The following RHPN2 variants were observed in gnomAD, a reference collection of about 807,000 sequenced individuals.
RHPN2 encodes rhophilin Rho GTPase binding protein 2, also known as rhophilin-2.
Under a neutral mutation model 79.0 loss-of-function variants are expected in RHPN2, and 40 were observed. The observed-to-expected ratio is 0.51, with a 90% confidence interval of 0.39 to 0.66. The LOEUF is 0.66. Ranked by LOEUF, RHPN2 falls within the 30% of genes least tolerant of loss-of-function variation. The pLI is 0.00. For synonymous variants in RHPN2, 285 were observed against 363.5 expected (o/e 0.78, Z 2.46); for missense variants, 686 against 883.5 (o/e 0.78, Z 2.83).
At chr19:33,039,549 A>G (rs895657785) in intron 2 of RHPN2, among the ~76,000 whole-genome samples, 3 of 152,130 alleles carry the variant, frequency 2.0e-5, no homozygotes, top group African/African-American at 7.2e-5. Flanking sequence ...TTAAAAATTC[A>G]ACAATCGGCC....
chr19:32,998,850 G>A (rs1276471962), intron 10 of RHPN2, among the ~76,000 whole-genome samples: 2 of 132,034 alleles, frequency 1.5e-5, no homozygotes, highest in African/African-American at 5.8e-5. Flanking sequence ...GGAAGGAGGG[G>A]AGGGAGAGGG....
chr19:33,005,412 CAA>C (rs766044835), intron 7 of RHPN2, among the ~76,000 whole-genome samples: 2,694 of 62,494 alleles, frequency 0.043, 52 homozygotes, highest in African/African-American at 0.15. Flanking sequence ...GATTCTGTCT[CAA>C]AAAAAAAAAA....
intron 14 of RHPN2, among the ~76,000 whole-genome samples, chr19:32,986,560 C>G (rs770760204): frequency 1.8e-4 from 27 of 152,004 alleles, no homozygotes; most frequent in African/African-American, 6.3e-4. Flanking sequence ...CTTTGGGAGG[C>G]TAAGGTAGAT....
intron 4 of RHPN2, 49 bp from the exon 5 acceptor site, chr19:33,012,773 A>G: frequency 9.8e-7 from 1 of 1,024,520 alleles, no homozygotes; most frequent in Non-Finnish European, 1.6e-6. Context: ...TGAAAACCAT[A>G]TGTGTGCATA....
At chr19:33,035,499 G>A (rs1276480079) in intron 2 of RHPN2, among the ~76,000 whole-genome samples, 1 of 152,188 alleles carries the variant, frequency 6.6e-6, no homozygotes, top group African/African-American at 2.4e-5. Flanking sequence ...TGGCAGCCAG[G>A]TGGGGTCTCA....
chr19:33,047,570 T>C (rs984723647), intron 1 of RHPN2, among the ~76,000 whole-genome samples: 2 of 152,138 alleles, frequency 1.3e-5, no homozygotes, highest in African/African-American at 4.8e-5. Context: ...CGGGTAGTAT[T>C]ACGTGGTGAA....
intron 2 of RHPN2, among the ~76,000 whole-genome samples, chr19:33,037,103 TAAGGGATTGTAAATACACC>T (rs1170091650): frequency 6.6e-6 from 1 of 152,182 alleles, no homozygotes; most frequent in Non-Finnish European, 1.5e-5. Flanking sequence ...TATGTCTAGC[TAAGGGATTGTAAATACACC>T]GATCGGCACT....
intron 2 of RHPN2, among the ~76,000 whole-genome samples, chr19:33,033,784 T>C (rs1050428215): frequency 6.6e-6 from 1 of 151,540 alleles, no homozygotes; most frequent in Non-Finnish European, 1.5e-5. Context: ...GGAGACTCGC[T>C]TGAACCCGGG....
intron 12 of RHPN2, among the ~76,000 whole-genome samples, chr19:32,993,661 G>T (rs1203896800): frequency 2.0e-5 from 3 of 152,044 alleles, no homozygotes; most frequent in Non-Finnish European, 4.4e-5. Flanking sequence ...ATTCAGTCTT[G>T]GGGTGGAACC....
intron 7 of RHPN2, 84 bp downstream of exon 7, chr19:33,007,930 C>G (rs1448084279): frequency 6.8e-6 from 10 of 1,463,304 alleles, no homozygotes; most frequent in Non-Finnish European, 9.5e-6. Context: ...GAGGGATGAC[C>G]TGTAGATTCT....
chr19:33,058,094 A>C (rs968614391), intron 1 of RHPN2, among the ~76,000 whole-genome samples: 10 of 152,288 alleles, frequency 6.6e-5, no homozygotes, highest in African/African-American at 2.4e-4. Context: ...CCGGAGGCGG[A>C]GGATGCAGTG....
At chr19:33,060,676 G>T (rs1972272345) in intron 1 of RHPN2, among the ~76,000 whole-genome samples, 1 of 152,126 alleles carries the variant, frequency 6.6e-6, no homozygotes. Flanking sequence ...GGGATTACAG[G>T]AACACAACAC....
chr19:33,022,970 T>TCCCAGCTCCAGGGTAC (rs1281423098), intron 3 of RHPN2, among the ~76,000 whole-genome samples: 3 of 152,032 alleles, frequency 2.0e-5, no homozygotes, highest in Non-Finnish European at 2.9e-5. Flanking sequence ...GTGTCCTGAG[T>TCCCAGCTCCAGGGTAC]CCCAGCTCCA....
chr19:32,983,082 ACACACACACACACTCCT>A (rs1971587566), intron 14 of RHPN2, among the ~76,000 whole-genome samples: 1 of 147,858 alleles, frequency 6.8e-6, no homozygotes, highest in Non-Finnish European at 1.5e-5. Context: ...ACACACACAC[ACACACACACACACTCCT>A]GCAATGCGTA....
intron 1 of RHPN2, among the ~76,000 whole-genome samples, chr19:33,062,551 C>T (rs553011499): frequency 1.3e-5 from 2 of 151,468 alleles, no homozygotes; most frequent in African/African-American, 4.8e-5. Flanking sequence ...AGGTGGATCA[C>T]TTAAGGTCAG....
intron 2 of RHPN2, 58 bp from the exon 3 acceptor site, chr19:33,026,690 G>T: frequency 1.3e-6 from 2 of 1,576,462 alleles, no homozygotes; most frequent in South Asian, 1.1e-5. Flanking sequence ...GCTTCTAGGT[G>T]AGCAGACCCA....
Position 32,996,158 on chromosome 19 carries a change from A to G in RHPN2, c.1288T>C (p.Cys430Arg). 1 of 1,614,186 alleles carries G rather than the reference A, an allele frequency of 6.2e-7. No individual in the cohort carries two copies. Among genetic ancestry groups the G allele is most frequent in the Non-Finnish European group, 8.5e-7 (1 of 1,180,026 alleles). Residue 430 changes from cysteine to arginine, a missense_variant, in exon 11 of 15, where the codon TGC becomes CGC. Physicochemically the swap from Cys to Arg is radical, Grantham distance 180 (BLOSUM62 -3). Transcript: ENST00000254260. Reference protein sequence around the residue: ...HEESVREASLCKKLRSIEVLQ... With the variant: ...HEESVREASLRKKLRSIEVLQ... The stretch of plus-strand genomic sequence containing the variant: ...ACCTCAATGCTCCGCAGCTTCTTGC[A>G]GAGGCTGGCCTCCCGCACCGACTCC...
At chr19:33,017,902 T>A (rs368576833) in intron 4 of RHPN2, among the ~76,000 whole-genome samples, 57 of 151,550 alleles carry the variant, frequency 3.8e-4, no homozygotes, top group African/African-American at 1.3e-3. Context: ...ATGCCTCTAA[T>A]CCCAGCACTT....
rs1425655742 is a variant in RHPN2, at chr19:33,061,220, CCTTT to C, written c.69+3560_69+3563del. ...TCTCCTTTCACCTGGACAGCACCTG[CCTTT>C]CTTTTTTTTTTTTTTTTTTTTTGAG... On this transcript the variant is annotated intron_variant, in intron 1 of 14. Transcript: ENST00000254260. Among the ~76,000 whole-genome samples, 302 of 146,356 alleles carry C rather than the reference CCTTT, an allele frequency of 2.1e-3. 2 individuals are homozygous for C. Among genetic ancestry groups the C allele is most frequent in the African/African-American group, 7.3e-3 (276 of 37,930 alleles).
Sources: allele counts gnomAD v4.1 joint callset (sites outside exome capture counted in the v4.1 genomes callset), GRCh38; gene constraint gnomAD v4.1.1; transcripts MANE v1.5; gene names NCBI Gene and HGNC (gene_info 2026-07-23, HGNC 2026-07-21).